CD84: variants seen among roughly 807,000 people sequenced by gnomAD.
CD84 encodes SLAM family member 5.
Under a neutral mutation model 33.8 loss-of-function variants are expected in CD84, and 22 were observed. The ratio of observed to expected loss-of-function variants is 0.65; its 90% CI spans 0.46 to 0.93. The LOEUF is 0.93. CD84 is among the 40% of genes least tolerant of loss of function. The probability of loss-of-function intolerance (pLI) is 0.00; values close to 1 mark genes in which losing one functional copy is unlikely to be tolerated. For missense variants in CD84, 400 were observed against 397.6 expected, an observed-to-expected ratio of 1.01 and a Z score of -0.05; for synonymous variants, 154 against 145.2, an observed-to-expected ratio of 1.06 and a Z score of -0.44.
At chr1:160,553,019 T>C in intron 4 of CD84, 1 of 565,442 alleles carries the variant, frequency 1.8e-6, no homozygotes, top group Non-Finnish European at 3.2e-6. Flanking sequence ...CAAAATACAA[T>C]GAAATTGGAA....
In CD84 at chr1:160,565,496, A is replaced by G. The variant is rs747432528; in HGVS notation, c.296T>C (p.Leu99Pro). Reference sequence around the variant, plus strand: ...GTAGTCTCCTGCGTCTTCCATCCTCAGATCGCTAATGACCAGATTGTAGTT... The same window carrying G: ...GTAGTCTCCTGCGTCTTCCATCCTCGGATCGCTAATGACCAGATTGTAGTT... ...GPNYNLVISD[L>P]RMEDAGDYKA... The change falls in exon 2 of 7, where the codon CTG (leucine) becomes CCG (proline). Residue 99 changes from leucine (L) to proline (P), a missense_variant. Coordinates refer to ENST00000368054, the MANE Select transcript of CD84 (RefSeq NM_003874.4). 6.2e-7 allele frequency: 1 copy of G among 1,613,938 alleles called. No homozygotes were observed. The highest frequency in any genetic ancestry group is 8.5e-7 in the Non-Finnish European group (1 of 1,179,866).
rs774474776 is a variant in CD84, at chr1:160,565,631, C to G, written c.161G>C (p.Trp54Ser). Residue 54 changes from tryptophan (W) to serine (S), a missense_variant, in exon 2 of 7, where the codon TGG (tryptophan) becomes TCG (serine). Coordinates refer to ENST00000368054, the MANE Select transcript of CD84 (RefSeq NM_003874.4). ...QEPRQVKIIA[W>S]TSKTSVAYVT... ...ATAAGCAACAGATGTTTTAGAAGTC[C>G]AAGCAATGATTTTAACTTGCCGTGG... 1 of 1,613,968 alleles carries G rather than the reference C, an allele frequency of 6.2e-7. No individual in the cohort carries two copies. The highest frequency in any genetic ancestry group is 8.5e-7 in the Non-Finnish European group (1 of 1,179,912).
At chr1:160,554,901 C>CTATATATATAGAATATATATATATATATT (rs377611146) in intron 2 of CD84, among the ~76,000 whole-genome samples, 4 of 151,444 alleles carry the variant, frequency 2.6e-5, no homozygotes, top group African/African-American at 9.7e-5. Context: ...AAAATAAATT[C>CTATATATATAGAATATATATATATATATT]TATATAGAAT....
chr1:160,567,818 C>G (rs553805889), intron 1 of CD84, among the ~76,000 whole-genome samples: 2 of 152,144 alleles, frequency 1.3e-5, no homozygotes, highest in African/African-American at 4.8e-5. Context: ...CTGACGGGTT[C>G]TAGGAGAGGG....
At chr1:160,573,691 C>T (rs907247023) in intron 1 of CD84, among the ~76,000 whole-genome samples, 1 of 152,164 alleles carries the variant, frequency 6.6e-6, no homozygotes, top group Non-Finnish European at 1.5e-5. Flanking sequence ...CCTTGCCTTA[C>T]TATCCTTCTC....
chr1:160,554,457 T>C (rs1021120253), intron 2 of CD84, among the ~76,000 whole-genome samples: 19 of 152,196 alleles, frequency 1.2e-4, no homozygotes, highest in African/African-American at 4.1e-4. Flanking sequence ...GGTAGGAGTA[T>C]TACCCCACAG....
At chr1:160,550,131 G>C (rs1420362325) in intron 5 of CD84, 152 bp from the exon 6 acceptor site, 1 of 682,458 alleles carries the variant, frequency 1.5e-6, no homozygotes, top group Non-Finnish European at 2.7e-6. Flanking sequence ...ATCCAACTCT[G>C]GAGAGGCTTA....
chr1:160,578,935 A>G (rs983507795), intron 1 of CD84, among the ~76,000 whole-genome samples: 1 of 152,200 alleles, frequency 6.6e-6, no homozygotes, highest in African/African-American at 2.4e-5. Context: ...CAACAATGAT[A>G]ACGATGAGTC....
chr1:160,548,043 C>T lies in CD84; in HGVS notation c.*213G>A, dbSNP rs959326412. On this transcript the variant is annotated 3_prime_UTR_variant, in exon 7 of 7. Coordinates refer to ENST00000368054, the MANE Select transcript of CD84 (RefSeq NM_003874.4). ...TAGGTAACCTGCTTTGTCATTCATT[C>T]AGAAGGGAGTCATTTCAGGAAGGGT... is the stretch of plus-strand genomic sequence containing the variant. 5 of 584,914 alleles carry T rather than the reference C, an allele frequency of 8.5e-6. No homozygotes were observed. The highest frequency in any genetic ancestry group is 5.9e-5 in the Admixed American group (2 of 33,854). 36.2% of individuals were successfully genotyped at this position (584,914 alleles called of 1,614,324 possible).
At chr1:160,564,196 T>C (rs16832213) in intron 2 of CD84, among the ~76,000 whole-genome samples, 1,857 of 152,282 alleles carry the variant, frequency 0.012, 49 homozygotes, top group African/African-American at 0.042. Flanking sequence ...AAAAGCACTT[T>C]GCATTAACTA....
chr1:160,577,458 C>T (rs949442092), intron 1 of CD84, among the ~76,000 whole-genome samples: 12 of 152,170 alleles, frequency 7.9e-5, no homozygotes, highest in African/African-American at 2.9e-4. Flanking sequence ...CCTGGCTTCA[C>T]TTTTATAAAA....
intron 2 of CD84, among the ~76,000 whole-genome samples, chr1:160,555,150 G>A (rs1396111868): frequency 6.7e-6 from 1 of 148,808 alleles, no homozygotes; most frequent in African/African-American, 2.5e-5. Context: ...GCATGATCTC[G>A]GCTCACTGCA....
rs80165213 is a variant in CD84 at position 160,554,664 on chromosome 1, C to T, written c.389-518G>A. 9.2e-5 allele frequency among the ~76,000 whole-genome samples: 14 copies of T among 152,292 alleles called. No individual in the cohort carries two copies. In the East Asian group the frequency reaches 9.6e-4, roughly 10 times the overall value. ...CCATTATCCAATTCAGCAAAGAAGT[C>T]GCTCGTGTCATTGATAAACAAATGA... On this transcript the variant is annotated intron_variant, in intron 2 of 6. Transcript: ENST00000368054.
intron 2 of CD84, among the ~76,000 whole-genome samples, chr1:160,559,831 C>G (rs1451590678): frequency 6.6e-6 from 1 of 151,908 alleles, no homozygotes; most frequent in East Asian, 1.9e-4. Context: ...AGTTACAATC[C>G]TAGTTTCTGA....
intron 1 of CD84, among the ~76,000 whole-genome samples, chr1:160,569,833 A>G (rs1325649831): frequency 1.3e-5 from 2 of 152,160 alleles, no homozygotes; most frequent in African/African-American, 4.8e-5. Context: ...ATGAATATAG[A>G]TTTGCATATC....
At position 160,547,577 on chromosome 1, in the gene CD84, T is replaced by C. The variant is rs1190197375; in HGVS notation, c.*679A>G. On this transcript the variant is annotated 3_prime_UTR_variant, in exon 7 of 7. Coordinates refer to ENST00000368054, the MANE Select transcript of CD84 (RefSeq NM_003874.4). ...ACTCTGACAGAGACCCACACAGCAC[T>C]GTCATCTGTGTTTGGACTTACTAAG... 1 of 174,236 alleles carries C rather than the reference T, an allele frequency of 5.7e-6. No individual in the cohort carries two copies. Among genetic ancestry groups the C allele is most frequent in the Non-Finnish European group, 1.2e-5 (1 of 83,014 alleles). 10.8% of individuals were successfully genotyped at this position (174,236 alleles called of 1,614,324 possible).
chr1:160,554,535 T>A (rs924974524), intron 2 of CD84, among the ~76,000 whole-genome samples: 1 of 152,192 alleles, frequency 6.6e-6, no homozygotes, highest in Non-Finnish European at 1.5e-5. Context: ...AGACTTAAGA[T>A]AGCAATGGAG....
intron 4 of CD84, 191 bp from the exon 5 acceptor site, chr1:160,551,226 T>G: frequency 1.8e-6 from 1 of 569,996 alleles, no homozygotes. Flanking sequence ...CACCCACAGG[T>G]CAATGGGAAT....
chr1:160,569,915 C>T (rs936030143), intron 1 of CD84, among the ~76,000 whole-genome samples: 3 of 152,074 alleles, frequency 2.0e-5, no homozygotes, highest in Non-Finnish European at 4.4e-5. Flanking sequence ...TTGAGGTCTC[C>T]ATCAGAGGCA....
Sources: gnomAD v4.1 joint callset for allele counts (sites outside exome capture counted in the v4.1 genomes callset) on GRCh38, gnomAD v4.1.1 for gene constraint, MANE v1.5 for transcripts, NCBI Gene and HGNC (gene_info 2026-07-23, HGNC 2026-07-21) for gene names.